The following ST3GAL3 variants were observed in gnomAD, a reference collection of about 807,000 sequenced individuals.
ST3GAL3 encodes the protein ST3 beta-galactoside alpha-2,3-sialyltransferase 3.
Under a neutral mutation model 50.1 loss-of-function variants are expected in ST3GAL3, and 21 were observed. The ratio of observed to expected loss-of-function variants is 0.42; its 90% CI spans 0.30 to 0.60. The LOEUF is 0.60. Ranked by LOEUF, ST3GAL3 falls within the 20% of genes least tolerant of loss-of-function variation. ST3GAL3 has a pLI of 0.19. For synonymous variants in ST3GAL3, 183 were observed against 190.0 expected, an observed-to-expected ratio of 0.96 and a Z score of 0.30; for missense variants, 353 against 489.4, an observed-to-expected ratio of 0.72 and a Z score of 2.63.
At chr1:43,902,185 A>T (rs560088049) in intron 9 of ST3GAL3, among the ~76,000 whole-genome samples, 39 of 152,292 alleles carry the variant, frequency 2.6e-4, no homozygotes, top group African/African-American at 9.4e-4. Flanking sequence ...GTTTCCAGTC[A>T]TACAGCCTCT....
At chr1:43,790,179 T>C (rs1444649605) in intron 2 of ST3GAL3, among the ~76,000 whole-genome samples, 1 of 152,192 alleles carries the variant, frequency 6.6e-6, no homozygotes, top group Non-Finnish European at 1.5e-5. Flanking sequence ...TTCATTTTTC[T>C]GTACATTGTT....
At chr1:43,845,875 C>T (rs1558553389) in intron 5 of ST3GAL3, among the ~76,000 whole-genome samples, 2 of 152,132 alleles carry the variant, frequency 1.3e-5, no homozygotes, top group African/African-American at 2.4e-5. Context: ...TAACTTTACT[C>T]GTGATTTCTA....
At chr1:43,723,863 C>T (rs925802175) in intron 1 of ST3GAL3, among the ~76,000 whole-genome samples, 13 of 152,144 alleles carry the variant, frequency 8.5e-5, no homozygotes, top group African/African-American at 1.7e-4. Context: ...CTGCCCGCCT[C>T]GGCCTCCCAA....
intron 5 of ST3GAL3, among the ~76,000 whole-genome samples, chr1:43,857,125 G>T (rs988325454): frequency 1.3e-5 from 2 of 152,152 alleles, no homozygotes; most frequent in Non-Finnish European, 2.9e-5. Flanking sequence ...GACAGGACCT[G>T]AGGAGCTACA....
chr1:43,913,522 G>A (rs1480443561), intron 9 of ST3GAL3: 1 of 152,090 alleles, frequency 6.6e-6, no homozygotes, highest in African/African-American at 2.4e-5. Flanking sequence ...GCCTGTGGAC[G>A]TTTTTCTGAG....
intron 11 of ST3GAL3, among the ~76,000 whole-genome samples, chr1:43,925,495 G>A (rs2154298116): frequency 6.6e-6 from 1 of 152,198 alleles, no homozygotes; most frequent in African/African-American, 2.4e-5. Context: ...AGAAATCTTA[G>A]CCATTATGAT....
intron 2 of ST3GAL3, among the ~76,000 whole-genome samples, chr1:43,742,090 A>C (rs1681168749): frequency 6.6e-6 from 1 of 152,198 alleles, no homozygotes; most frequent in African/African-American, 2.4e-5. Flanking sequence ...CCTGAAGCTT[A>C]CCATATAGAC....
At chr1:43,713,055 G>A (rs767645286) in intron 1 of ST3GAL3, among the ~76,000 whole-genome samples, 3 of 152,202 alleles carry the variant, frequency 2.0e-5, no homozygotes, top group African/African-American at 4.8e-5. Context: ...GGGGAGTTCT[G>A]AGGTTTGCAT....
At chr1:43,842,065 AC>A (rs2065470069) in intron 5 of ST3GAL3, 1 of 152,212 alleles carries the variant, frequency 6.6e-6, no homozygotes, top group Non-Finnish European at 1.5e-5. Context: ...CTAAGGCATA[AC>A]ATGTTATGAC....
chr1:43,752,015 C>T (rs897840988), intron 2 of ST3GAL3, among the ~76,000 whole-genome samples: 2 of 152,058 alleles, frequency 1.3e-5, no homozygotes, highest in Non-Finnish European at 1.5e-5. Context: ...CAGGGTTTCA[C>T]CATGTTGGTG....
At chr1:43,791,445 A>C (rs2058070131) in intron 2 of ST3GAL3, among the ~76,000 whole-genome samples, 1 of 152,176 alleles carries the variant, frequency 6.6e-6, no homozygotes, top group Admixed American at 6.5e-5. Flanking sequence ...GAATGAATGA[A>C]TGAATGCCTT....
intron 1 of ST3GAL3, among the ~76,000 whole-genome samples, chr1:43,714,226 T>C (rs935602097): frequency 6.8e-6 from 1 of 146,418 alleles, no homozygotes; most frequent in African/African-American, 2.5e-5. Context: ...ATCGTGCCAC[T>C]GCACTCCAGC....
At chr1:43,905,221 C>G (rs1317945447) in intron 9 of ST3GAL3, among the ~76,000 whole-genome samples, 2 of 112,698 alleles carry the variant, frequency 1.8e-5, no homozygotes, top group African/African-American at 3.1e-5. Flanking sequence ...TCCTGTTCCT[C>G]TTCCCGCCAC....
intron 2 of ST3GAL3, among the ~76,000 whole-genome samples, chr1:43,748,901 A>G (rs1684948375): frequency 1.3e-5 from 2 of 152,326 alleles, no homozygotes; most frequent in Admixed American, 6.5e-5. Context: ...AGCTGATTCT[A>G]AAATTTATAT....
At chr1:43,744,990 GAAA>G (rs1165309839) in intron 2 of ST3GAL3, among the ~76,000 whole-genome samples, 1 of 127,642 alleles carries the variant, frequency 7.8e-6, no homozygotes, top group Non-Finnish European at 1.8e-5. Flanking sequence ...AACTGTGTTT[GAAA>G]AAAAAGAAAA....
At position 43,797,729 on chromosome 1, in the gene ST3GAL3, T is replaced by C. The variant is rs180937764; in HGVS notation, c.166+5580T>C. On this transcript the variant is annotated intron_variant, in intron 3 of 11. Transcript: ENST00000347631. ...TCCCCCTAACATCAGGAAATACTTC[T>C]GGAAGGTCTAGTCAATGTAATAAAG... 1.1e-4 allele frequency among the ~76,000 whole-genome samples: 16 copies of C among 152,260 alleles called. No individual in the cohort carries two copies. The East Asian group carries it at 2.1e-3, about 20-fold the overall frequency.
intron 5 of ST3GAL3, among the ~76,000 whole-genome samples, chr1:43,849,238 C>CT (rs569376533): frequency 6.5e-4 from 86 of 132,400 alleles, no homozygotes; most frequent in East Asian, 4.4e-3. Flanking sequence ...ATCTAGGGTT[C>CT]TTTTTTTTTT....
chr1:43,747,999 G>T (rs1198669644), intron 2 of ST3GAL3, among the ~76,000 whole-genome samples: 1 of 152,070 alleles, frequency 6.6e-6, no homozygotes, highest in African/African-American at 2.4e-5. Flanking sequence ...CTGGTAACCA[G>T]CCCTCATCCC....
Position 43,873,551 on chromosome 1 carries a change from A to G in ST3GAL3, c.303-20832A>G, listed in dbSNP as rs1021248808. On this transcript the variant is annotated intron_variant, in intron 5 of 11. Coordinates refer to ENST00000347631, the MANE Select transcript of ST3GAL3 (RefSeq NM_006279.5). ...TGTAATCCCAGCACTTTGGGAGGCT[A>G]AGGTGGGCAGATCACCTGAGGCCAG... Among the ~76,000 whole-genome samples the G allele has an allele frequency of 7.9e-5, 12 of 152,040 alleles. No individual in the cohort carries two copies. The South Asian group carries it at 1.0e-3, about 13-fold the overall frequency.
Sources: gnomAD v4.1 joint callset for allele counts (sites outside exome capture counted in the v4.1 genomes callset) on GRCh38, gnomAD v4.1.1 for gene constraint, MANE v1.5 for transcripts, NCBI Gene and HGNC (gene_info 2026-07-23, HGNC 2026-07-21) for gene names.